OSBPL7: variants seen among roughly 807,000 people sequenced by gnomAD.
OSBPL7 encodes oxysterol-binding protein-related protein 7.
A neutral mutation model predicts 115.8 loss-of-function variants in OSBPL7; 66 were observed. The observed-to-expected ratio is 0.57, with a 90% CI of 0.47 to 0.70. The LOEUF (loss-of-function observed/expected upper bound fraction) is 0.70, where lower values mean the gene tolerates loss of function less well. Among genes scored for constraint, OSBPL7 ranks in the 30% least tolerant of loss-of-function variants. The probability of loss-of-function intolerance (pLI) is 0.00; values close to 1 mark genes in which losing one functional copy is unlikely to be tolerated. For synonymous variants in OSBPL7, 441 were observed against 439.2 expected (o/e 1.00, Z -0.05); for missense variants, 902 against 1,125.5 (o/e 0.80, Z 2.84).
chr17:47,807,795 C>G lies in OSBPL7; in HGVS notation c.*496G>C. ...CCAAAGGGAGCTGGAGAAGGCCCTGCAGGGCCAGGGAAGGGGAAGAAGATG... is the reference window on the plus strand; with the variant it reads ...CCAAAGGGAGCTGGAGAAGGCCCTGGAGGGCCAGGGAAGGGGAAGAAGATG... On this transcript the variant is annotated 3_prime_UTR_variant, in exon 23 of 23. Transcript: ENST00000007414. 6.2e-6 allele frequency: 1 copy of G among 161,486 alleles called. No homozygotes were observed. 10.0% of individuals were successfully genotyped at this position (161,486 alleles called of 1,614,324 possible).
At chr17:47,810,879 A>G in intron 16 of OSBPL7, 44 bp from the exon 17 acceptor site, 1 of 1,590,510 alleles carries the variant, frequency 6.3e-7, no homozygotes, top group Non-Finnish European at 8.6e-7. Context: ...CCCGAGCACC[A>G]TTAGGCTACC....
chr17:47,816,604 T>C lies in OSBPL7; in HGVS notation c.887A>G (p.Tyr296Cys). 2.5e-6 allele frequency: 4 copies of C among 1,613,668 alleles called. No individual in the cohort carries two copies. Among genetic ancestry groups the C allele is most frequent in the Non-Finnish European group, 2.5e-6 (3 of 1,179,906 alleles). Residue 296 changes from tyrosine (Y) to cysteine (C), a missense_variant, in exon 10 of 23, where the codon TAT (tyrosine) becomes TGT (cysteine). This residue lies in a region of OSBPL7 where 667 missense variants were observed against 788.7 expected (regional missense o/e 0.85). Transcript: ENST00000007414. This position sits in a 1 kb window ranked among gnomAD's most constrained non-coding sequence, Gnocchi z 5.8. Reference protein sequence around the residue: ...SGTRGLPPTDYAHLQRSFWAL... With the variant: ...SGTRGLPPTDCAHLQRSFWAL... ...CCAGAAGCTGCGCTGCAGGTGGGCA[T>C]AGTCTGTGGGTGGCAGCCCACGGGT...
chr17:47,817,128 G>T, intron 8 of OSBPL7, 128 bp downstream of exon 8: 1 of 763,048 alleles, frequency 1.3e-6, no homozygotes, highest in Non-Finnish European at 2.1e-6. Context: ...GGTAAGGGGT[G>T]GGGAGGAAAC....
chr17:47,818,728 T>A (rs1456687777), intron 5 of OSBPL7, 112 bp from the exon 6 acceptor site: 12 of 996,640 alleles, frequency 1.2e-5, no homozygotes, highest in Non-Finnish European at 3.0e-6. Context: ...TTACAGAGCC[T>A]GGTTTGTGCA....
At chr17:47,811,375 G>T (rs977574943) in intron 16 of OSBPL7, among the ~76,000 whole-genome samples, 1 of 152,046 alleles carries the variant, frequency 6.6e-6, no homozygotes, top group Non-Finnish European at 1.5e-5. Flanking sequence ...CTCCAGCCAA[G>T]ATGACCAGGT....
intron 18 of OSBPL7, among the ~76,000 whole-genome samples, 194 bp from the exon 19 acceptor site, chr17:47,809,672 A>T (rs1375159437): frequency 2.6e-5 from 4 of 152,304 alleles, no homozygotes; most frequent in African/African-American, 9.6e-5. Context: ...CAACGAAAAC[A>T]TCTCCACTCA....
intron 16 of OSBPL7, among the ~76,000 whole-genome samples, chr17:47,812,311 C>G (rs1469824888): frequency 6.6e-6 from 1 of 152,230 alleles, no homozygotes; most frequent in African/African-American, 2.4e-5. Context: ...CCTGCCTGCC[C>G]TCCTCCCTAG....
Position 47,816,626 on chromosome 17 carries a change from G to A in OSBPL7, c.865C>T (p.Arg289Cys), listed in dbSNP as rs753670788. ...YLESRDSSGT[R>C]GLPPTDYAHL... Reference sequence around the variant, plus strand: ...GCATAGTCTGTGGGTGGCAGCCCACGGGTGCCCGAGGAGTCCCGAGACTCC... The same window carrying A: ...GCATAGTCTGTGGGTGGCAGCCCACAGGTGCCCGAGGAGTCCCGAGACTCC... Residue 289 changes from arginine to cysteine, a missense_variant, in exon 10 of 23, where the codon CGT becomes TGT. Physicochemically the swap from Arg to Cys is radical, Grantham distance 180. Around this residue, in one of 3 missense-constraint regions of OSBPL7, gnomAD observed 667 missense variants for 788.7 expected, o/e 0.85. Transcript: ENST00000007414. The surrounding 1 kb of genome is among the most constrained non-coding windows in gnomAD (Gnocchi z 5.8). 50 of 1,613,806 alleles carry A rather than the reference G, an allele frequency of 3.1e-5. No individual in the cohort carries two copies. The highest frequency in any genetic ancestry group is 3.0e-5 in the Non-Finnish European group (35 of 1,180,000).
chr17:47,814,488 CCA>C, intron 14 of OSBPL7, 31 bp downstream of exon 14: 1 of 1,237,310 alleles, frequency 8.1e-7, no homozygotes, highest in Non-Finnish European at 1.2e-6. Context: ...CACCCGCCTC[CCA>C]CCCCTCCCTG....
intron 16 of OSBPL7, 34 bp downstream of exon 16, chr17:47,813,232 A>ACCCAAGGCCAGCCCTCTTCT: frequency 6.2e-7 from 1 of 1,611,316 alleles, no homozygotes; most frequent in Non-Finnish European, 8.5e-7. Flanking sequence ...TGCCCCAGAC[A>ACCCAAGGCCAGCCCTCTTCT]CCCAAGGCCA....
chr17:47,819,833 A>T, intron 3 of OSBPL7, 51 bp from the exon 4 acceptor site: 2 of 1,612,568 alleles, frequency 1.2e-6, no homozygotes, highest in Non-Finnish European at 1.7e-6. Context: ...GAGGAAGGGC[A>T]TGAGGGAGAA....
At chr17:47,820,531 T>A in intron 1 of OSBPL7, 166 bp from the exon 2 acceptor site, 1 of 494,340 alleles carries the variant, frequency 2.0e-6, no homozygotes, top group Non-Finnish European at 3.7e-6. Flanking sequence ...CATTTTCACC[T>A]GATATGGACA....
In OSBPL7 at chr17:47,808,147, C is replaced by G. The variant is rs2032913690; in HGVS notation, c.*144G>C. On this transcript the variant is annotated 3_prime_UTR_variant, in exon 23 of 23. Transcript: ENST00000007414. This position sits in a 1 kb window ranked among gnomAD's most constrained non-coding sequence, Gnocchi z 6.1. ...GTGGGCTGAGATGCAGACCCTCTGG[C>G]CAGCAGAGGGGAGGGAGGGCCAGGG... is the stretch of plus-strand genomic sequence containing the variant. 1.6e-6 allele frequency: 1 copy of G among 638,630 alleles called. No individual in the cohort carries two copies. The highest frequency in any genetic ancestry group is 1.8e-5 in the African/African-American group (1 of 54,738). 39.6% of individuals were successfully genotyped at this position (638,630 alleles called of 1,614,324 possible).
Position 47,808,655 on chromosome 17 carries a change from A to G in OSBPL7, c.2303T>C (p.Leu768Pro). The part of the protein sequence containing the change: ...DTRLRPDQRY[L>P]EEGNIQAAEA... ...AGCGGCCTGTATGTTCCCCTCCTCCAGGTACCTGAGGATCCAGATCAAACT... is the reference window on the plus strand; with the variant it reads ...AGCGGCCTGTATGTTCCCCTCCTCCGGGTACCTGAGGATCCAGATCAAACT... Residue 768 changes from leucine to proline, a missense_variant, in exon 22 of 23, where the codon CTG (leucine) becomes CCG (proline). Coordinates refer to ENST00000007414, the MANE Select transcript of OSBPL7 (RefSeq NM_145798.3). This position sits in a 1 kb window ranked among gnomAD's most constrained non-coding sequence, Gnocchi z 6.1. 1 of 1,614,066 alleles carries G rather than the reference A, an allele frequency of 6.2e-7. No homozygotes were observed. Among genetic ancestry groups the G allele is most frequent in the Non-Finnish European group, 8.5e-7 (1 of 1,179,994 alleles).
intron 14 of OSBPL7, 135 bp from the exon 15 acceptor site, chr17:47,813,969 A>C: frequency 1.6e-6 from 2 of 1,217,026 alleles, no homozygotes; most frequent in Non-Finnish European, 2.2e-6. Flanking sequence ...GTCTCGACTC[A>C]CAGCAGGGCA....
rs749735132 is a variant in OSBPL7, at chr17:47,809,906, C to CTT, written c.1881-430_1881-429dup. On this transcript the variant is annotated intron_variant, in intron 18 of 22. Coordinates refer to ENST00000007414, the MANE Select transcript of OSBPL7 (RefSeq NM_145798.3). ...TCACTATTTTCTTTTCTTTTCTTTT[C>CTT]TTTTCTTTTTTTTTTTTTTTTGAGA... Among the ~76,000 whole-genome samples the CTT allele has an allele frequency of 1.8e-4, 23 of 127,354 alleles. 1 individual carries two copies. Among genetic ancestry groups the CTT allele is most frequent in the African/African-American group, 3.7e-4 (12 of 32,338 alleles). 83.5% of individuals were successfully genotyped at this position (127,354 alleles called of 152,430 possible).
intron 12 of OSBPL7, 102 bp from the exon 13 acceptor site, chr17:47,815,454 C>T (rs1211204436): frequency 6.0e-6 from 9 of 1,508,406 alleles, no homozygotes; most frequent in East Asian, 4.7e-5. Context: ...GAGGCATAAC[C>T]GGGCACTTTT....
chr17:47,818,049 C>G lies in OSBPL7; in HGVS notation c.598+220G>C, dbSNP rs536978147. 7.2e-4 allele frequency among the ~76,000 whole-genome samples: 109 copies of G among 152,314 alleles called. No homozygotes were observed. In the Middle Eastern group the frequency reaches 0.01, roughly 14 times the overall value. ...GTATCTGCTTTGTCACAACTCCTGT[C>G]CCTGCATCCACGTCTGTCTATGTGC... On this transcript the variant is annotated intron_variant, in intron 7 of 22. Coordinates refer to ENST00000007414, the MANE Select transcript of OSBPL7 (RefSeq NM_145798.3).
Position 47,813,839 on chromosome 17 carries a change from G to T in OSBPL7, c.1352-5C>A. 3 of 1,603,166 alleles carry T rather than the reference G, an allele frequency of 1.9e-6. No homozygotes were observed. Among genetic ancestry groups the T allele is most frequent in the Non-Finnish European group, 2.5e-6 (3 of 1,176,972 alleles). On this transcript the variant is annotated splice_region_variant and splice_polypyrimidine_tract_variant and intron_variant, in intron 14 of 22. Coordinates refer to ENST00000007414, the MANE Select transcript of OSBPL7 (RefSeq NM_145798.3). ...GTCTCCCTGGAACACACCCCCCTGG[G>T]GCCGCCCTGCCATGTCACTCTCCAT...
Sources: allele counts gnomAD v4.1 joint callset (sites outside exome capture counted in the v4.1 genomes callset), GRCh38; gene constraint gnomAD v4.1.1; regional missense constraint gnomAD v4.1.1; non-coding constraint Gnocchi (gnomAD v3.1); transcripts MANE v1.5; gene names NCBI Gene and HGNC (gene_info 2026-07-23, HGNC 2026-07-21).